Variants in GRM7 observed in about 807,000 individuals in gnomAD.
The protein encoded by GRM7 is glutamate metabotropic receptor 7, also known as metabotropic glutamate receptor 7.
Under a neutral mutation model 84.5 loss-of-function variants are expected in GRM7, and 35 were observed. The ratio of observed to expected loss-of-function variants is 0.41; its 90% CI spans 0.32 to 0.55. The LOEUF (loss-of-function observed/expected upper bound fraction) is 0.55, where lower values mean the gene tolerates loss of function less well. GRM7 is among the 20% of genes least tolerant of loss of function. The pLI is 0.19. For synonymous variants in GRM7, 487 were observed against 455.1 expected (o/e 1.07, Z -0.89); for missense variants, 1,003 against 1,194.6 (o/e 0.84, Z 2.36).
chr3:6,909,774 C>T (rs1696703685), intron 1 of GRM7, among the ~76,000 whole-genome samples: 1 of 151,918 alleles, frequency 6.6e-6, no homozygotes, highest in African/African-American at 2.4e-5. Context: ...TCACGTATTC[C>T]TGTTTGATTT....
chr3:7,225,123 A>G (rs1338922054), intron 2 of GRM7, among the ~76,000 whole-genome samples: 1 of 152,060 alleles, frequency 6.6e-6, no homozygotes, highest in Non-Finnish European at 1.5e-5. Flanking sequence ...GGATATTGAA[A>G]TATATGTCTT....
In GRM7 at chr3:7,490,812, AC is replaced by A. The variant is rs1373855310; in HGVS notation, c.1515+29091del. Among the ~76,000 whole-genome samples, 4 of 152,254 alleles carry A rather than the reference AC, an allele frequency of 2.6e-5. No individual in the cohort carries two copies. The East Asian group carries it at 7.7e-4, about 29-fold the overall frequency. The stretch of plus-strand genomic sequence containing the variant: ...TTCCTGGTAGCTGTGTAAAGTATGA[AC>A]AAGTATTTCAGAAATAAACTTGGCA... On this transcript the variant is annotated intron_variant, in intron 7 of 9. Coordinates refer to ENST00000357716, the MANE Select transcript of GRM7 (RefSeq NM_000844.4).
At chr3:7,134,502 TA>T (rs988831353) in intron 1 of GRM7, among the ~76,000 whole-genome samples, 1 of 152,064 alleles carries the variant, frequency 6.6e-6, no homozygotes, top group Non-Finnish European at 1.5e-5. Context: ...TATTTTATTT[TA>T]AAAAAAGTTC....
intron 9 of GRM7, among the ~76,000 whole-genome samples, chr3:7,703,759 T>C (rs923208528): frequency 1.3e-5 from 2 of 152,196 alleles, no homozygotes; most frequent in African/African-American, 2.4e-5. Context: ...TAATATACAT[T>C]TGATACCTGC....
intron 1 of GRM7, among the ~76,000 whole-genome samples, chr3:6,963,627 T>G (rs545991767): frequency 2.8e-4 from 42 of 152,236 alleles, no homozygotes; most frequent in African/African-American, 9.9e-4. Context: ...AAAGGAAATT[T>G]TATCCCAATA....
chr3:7,623,428 C>T (rs1356771542), intron 8 of GRM7, among the ~76,000 whole-genome samples: 1 of 152,138 alleles, frequency 6.6e-6, no homozygotes, highest in South Asian at 2.1e-4. Context: ...GCAATTTATT[C>T]AGTTGCTGTC....
At chr3:7,592,264 A>T (rs1695823121) in intron 8 of GRM7, among the ~76,000 whole-genome samples, 1 of 152,230 alleles carries the variant, frequency 6.6e-6, no homozygotes, top group South Asian at 2.1e-4. Flanking sequence ...AATATAAAAA[A>T]AAAAGCAGAT....
intron 9 of GRM7, among the ~76,000 whole-genome samples, chr3:7,739,104 TAG>T (rs955169672): frequency 2.0e-5 from 3 of 152,208 alleles, no homozygotes; most frequent in Admixed American, 2.0e-4. Flanking sequence ...TGGTTTAATA[TAG>T]AAATAAGTTT....
intron 1 of GRM7, among the ~76,000 whole-genome samples, chr3:7,111,858 T>A (rs141262746): frequency 6.6e-6 from 1 of 152,172 alleles, no homozygotes; most frequent in East Asian, 1.9e-4. Context: ...AACATACCTA[T>A]GTAACCAACA....
At chr3:7,262,232 C>T (rs907021660) in intron 2 of GRM7, among the ~76,000 whole-genome samples, 15 of 151,860 alleles carry the variant, frequency 9.9e-5, no homozygotes, top group Non-Finnish European at 2.9e-5. Flanking sequence ...GATTCATTCT[C>T]CCCATTTCTT....
At chr3:6,948,700 G>A (rs1007193601) in intron 1 of GRM7, among the ~76,000 whole-genome samples, 5 of 152,156 alleles carry the variant, frequency 3.3e-5, no homozygotes, top group African/African-American at 9.7e-5. Flanking sequence ...AAGTCTCTTT[G>A]TAGGTCACTA....
chr3:7,275,134 A>T (rs1699006414), intron 2 of GRM7, among the ~76,000 whole-genome samples: 1 of 152,194 alleles, frequency 6.6e-6, no homozygotes, highest in Non-Finnish European at 1.5e-5. Context: ...GATCTTTAGC[A>T]TAAAAATTCT....
intron 8 of GRM7, among the ~76,000 whole-genome samples, chr3:7,665,143 A>G (rs1699632492): frequency 6.7e-6 from 1 of 150,076 alleles, no homozygotes; most frequent in African/African-American, 2.5e-5. Context: ...TTTCAACTGC[A>G]TACGGAGAAT....
chr3:7,159,749 G>A (rs576514843), intron 2 of GRM7, among the ~76,000 whole-genome samples: 3 of 152,114 alleles, frequency 2.0e-5, no homozygotes, highest in Non-Finnish European at 4.4e-5. Context: ...TCTGTGTCAG[G>A]ACGTAGTAAG....
intron 8 of GRM7, among the ~76,000 whole-genome samples, chr3:7,663,465 A>G (rs1002796497): frequency 6.6e-6 from 1 of 152,200 alleles, no homozygotes; most frequent in African/African-American, 2.4e-5. Flanking sequence ...ATCTGCACCA[A>G]TAGATCCCTC....
At chr3:7,356,542 A>G (rs893596891) in intron 4 of GRM7, among the ~76,000 whole-genome samples, 2 of 152,034 alleles carry the variant, frequency 1.3e-5, no homozygotes, top group African/African-American at 4.8e-5. Flanking sequence ...GCTCAAAACC[A>G]TCTTCCCACT....
chr3:7,191,599 G>A (rs1695713529), intron 2 of GRM7, among the ~76,000 whole-genome samples: 1 of 151,272 alleles, frequency 6.6e-6, no homozygotes, highest in Admixed American at 6.6e-5. Flanking sequence ...CTACAACTTG[G>A]ATAAATCACA....
At chr3:7,264,493 C>T (rs1235256605) in intron 2 of GRM7, among the ~76,000 whole-genome samples, 6 of 152,112 alleles carry the variant, frequency 3.9e-5, no homozygotes, top group African/African-American at 1.4e-4. Context: ...GTTCAACTCA[C>T]CCTTTCCCCA....
At chr3:7,238,226 C>T (rs1423404846) in intron 2 of GRM7, among the ~76,000 whole-genome samples, 2 of 152,168 alleles carry the variant, frequency 1.3e-5, no homozygotes, top group African/African-American at 4.8e-5. Context: ...TCCAACTCTT[C>T]CTCCCCTGTC....
Sources: allele counts gnomAD v4.1 joint callset (sites outside exome capture counted in the v4.1 genomes callset), GRCh38; gene constraint gnomAD v4.1.1; transcripts MANE v1.5; gene names NCBI Gene and HGNC (gene_info 2026-07-23, HGNC 2026-07-21).